The following ABCA1 variants were observed in gnomAD, a reference collection of about 807,000 sequenced individuals.
ABCA1 encodes phospholipid-transporting ATPase ABCA1.
A neutral mutation model predicts 262.5 loss-of-function variants in ABCA1; 133 were observed. The observed-to-expected ratio is 0.51, with a 90% CI of 0.44 to 0.59. The LOEUF (loss-of-function observed/expected upper bound fraction) is 0.59. ABCA1 is among the 20% of genes least tolerant of loss of function. The pLI, the probability that ABCA1 is intolerant of heterozygous loss-of-function variation, is 0.00. For synonymous variants in ABCA1, 1,022 were observed against 1,043.5 expected (o/e 0.98, Z 0.40); for missense variants, 2,452 against 2,777.5 (o/e 0.88, Z 2.63).
At chr9:104,869,875 C>T (rs1564212772) in intron 5 of ABCA1, among the ~76,000 whole-genome samples, 3 of 152,120 alleles carry the variant, frequency 2.0e-5, no homozygotes, top group South Asian at 2.1e-4. Context: ...TCTGAGCCTC[C>T]ATTTTTCTGT....
chr9:104,812,704 A>C lies in ABCA1; in HGVS notation c.3920T>G (p.Leu1307Trp). Residue 1307 changes from leucine (L) to tryptophan (W), a missense_variant, in exon 28 of 50, where the codon TTG (leucine) becomes TGG (tryptophan). Coordinates refer to ENST00000374736, the MANE Select transcript of ABCA1 (RefSeq NM_005502.4). ...CCCTTTGCCATCCATCCCACTGAGC[A>C]AGTCTGTCTCTCTGGATTCTGCAAG... ...DIDPESRETD[L>W]LSGMDGKGSY... is the part of the protein sequence containing the mutation. 1 of 1,614,212 alleles carries C rather than the reference A, an allele frequency of 6.2e-7. No homozygotes were observed. Among genetic ancestry groups the C allele is most frequent in the Non-Finnish European group, 8.5e-7 (1 of 1,180,042 alleles).
At chr9:104,875,244 G>A (rs1417701772) in intron 5 of ABCA1, among the ~76,000 whole-genome samples, 1 of 151,556 alleles carries the variant, frequency 6.6e-6, no homozygotes, top group Non-Finnish European at 1.5e-5. Context: ...TCAGGAGGCT[G>A]AGGCAGGAGA....
intron 20 of ABCA1, among the ~76,000 whole-genome samples, chr9:104,820,896 C>A (rs1157927824): frequency 6.6e-6 from 1 of 152,198 alleles, no homozygotes; most frequent in Non-Finnish European, 1.5e-5. Context: ...CTCCTAAAAT[C>A]AAAGAACAAC....
chr9:104,811,480 T>A (rs1350642950), intron 28 of ABCA1, among the ~76,000 whole-genome samples: 1 of 152,226 alleles, frequency 6.6e-6, no homozygotes, highest in Admixed American at 6.5e-5. Flanking sequence ...ACCATAGTCA[T>A]TATCTCCCAT....
chr9:104,798,110 G>A (rs906411158), intron 37 of ABCA1, among the ~76,000 whole-genome samples: 22 of 152,150 alleles, frequency 1.4e-4, no homozygotes, highest in African/African-American at 5.3e-4. Flanking sequence ...GAAGTTAGAG[G>A]CATTGACTTG....
At chr9:104,906,310 G>A (rs920164413) in intron 1 of ABCA1, among the ~76,000 whole-genome samples, 1 of 152,150 alleles carries the variant, frequency 6.6e-6, no homozygotes, top group Non-Finnish European at 1.5e-5. Flanking sequence ...ACCCTGAGTG[G>A]AAAAGCTCAA....
In ABCA1 at chr9:104,810,874, G is replaced by A. The variant is rs769301800; in HGVS notation, c.4101C>T (p.Ile1367=). 1.1e-5 allele frequency: 18 copies of A among 1,614,090 alleles called. No homozygotes were observed. Among genetic ancestry groups the A allele is most frequent in the South Asian group, 5.5e-5 (5 of 91,086 alleles). ...TGGGGTACTTGCCAAAGGGTGGCAC[G>A]ATCAGGCTGAACACAAGGGCAATGC... ...FVCIALVFSL[I]VPPFGKYPSL... Residue 1367 remains isoleucine (I), a synonymous_variant, in exon 29 of 50, where the codon ATC becomes ATT. Transcript: ENST00000374736.
intron 8 of ABCA1, among the ~76,000 whole-genome samples, chr9:104,841,730 G>A (rs2119039234): frequency 6.6e-6 from 1 of 152,288 alleles, no homozygotes; most frequent in Admixed American, 6.5e-5. Context: ...GCCCTGCATA[G>A]AACAGTCCCA....
chr9:104,919,738 A>T (rs1842039019), intron 1 of ABCA1, among the ~76,000 whole-genome samples: 1 of 152,222 alleles, frequency 6.6e-6, no homozygotes, highest in African/African-American at 2.4e-5. Context: ...TGTTTACTCA[A>T]CTGAAACTTA....
chr9:104,810,953 G>C, intron 28 of ABCA1, 29 bp from the exon 29 acceptor site: 2 of 1,613,884 alleles, frequency 1.2e-6, no homozygotes, highest in Non-Finnish European at 1.7e-6. Flanking sequence ...GGGGGCAGGG[G>C]GACAGCAGGA....
chr9:104,833,674 AC>A (rs1833547820), intron 11 of ABCA1, among the ~76,000 whole-genome samples: 1 of 152,240 alleles, frequency 6.6e-6, no homozygotes, highest in Admixed American at 6.5e-5. Context: ...TGTTGATCCC[AC>A]ATAAAACCTA....
At chr9:104,794,275 G>A (rs894971476) in intron 40 of ABCA1, 112 bp downstream of exon 40, 11 of 1,531,952 alleles carry the variant, frequency 7.2e-6, no homozygotes, top group Non-Finnish European at 9.0e-6. Context: ...TGGGGGTGGG[G>A]GAACATCCTG....
At chr9:104,901,965 A>C in intron 2 of ABCA1, among the ~76,000 whole-genome samples, 1 of 152,200 alleles carries the variant, frequency 6.6e-6, no homozygotes, top group East Asian at 1.9e-4. Flanking sequence ...TATTAATATA[A>C]TATTATCTAT....
At chr9:104,810,051 G>A (rs1221789356) in intron 29 of ABCA1, among the ~76,000 whole-genome samples, 1 of 150,268 alleles carries the variant, frequency 6.7e-6, no homozygotes, top group Non-Finnish European at 1.5e-5. Context: ...GGCAATACAG[G>A]GTCAGCAGCC....
chr9:104,815,036 CA>C (rs1255689593), intron 25 of ABCA1, among the ~76,000 whole-genome samples: 1 of 152,110 alleles, frequency 6.6e-6, no homozygotes. Context: ...CTATGACAGA[CA>C]CTGCGCAGAA....
intron 5 of ABCA1, among the ~76,000 whole-genome samples, chr9:104,868,430 C>T (rs922950147): frequency 3.9e-5 from 6 of 152,210 alleles, no homozygotes; most frequent in Non-Finnish European, 8.8e-5. Flanking sequence ...AGAACGTGAA[C>T]GTGCTGTTTC....
intron 34 of ABCA1, 55 bp from the exon 35 acceptor site, chr9:104,800,639 A>G (rs1830250271): frequency 1.3e-6 from 2 of 1,525,866 alleles, no homozygotes; most frequent in Non-Finnish European, 1.8e-6. Flanking sequence ...ATAAGGGGCA[A>G]CAGTCAATCT....
At chr9:104,904,072 G>C (rs150324142) in intron 1 of ABCA1, among the ~76,000 whole-genome samples, 289 of 152,230 alleles carry the variant, frequency 1.9e-3, no homozygotes, top group African/African-American at 6.9e-3. Context: ...ACCTCTCTCA[G>C]GTGGCCAAAA....
intron 1 of ABCA1, among the ~76,000 whole-genome samples, chr9:104,916,711 G>T (rs184549784): frequency 1.3e-5 from 2 of 152,074 alleles, no homozygotes; most frequent in African/African-American, 2.4e-5. Context: ...ACAGAGTTTC[G>T]CTCTGTCACC....
Sources: allele counts gnomAD v4.1 joint callset (sites outside exome capture counted in the v4.1 genomes callset), GRCh38; gene constraint gnomAD v4.1.1; transcripts MANE v1.5; gene names NCBI Gene and HGNC (gene_info 2026-07-23, HGNC 2026-07-21).